The following HDAC9 variants were observed in gnomAD, a reference collection of about 807,000 sequenced individuals.
HDAC9 encodes the protein MEF-2 interacting transcription repressor (MITR) protein.
A neutral mutation model predicts 139.4 loss-of-function variants in HDAC9; 41 were observed. The ratio of observed to expected loss-of-function variants is 0.29; its 90% CI spans 0.23 to 0.38. The LOEUF (loss-of-function observed/expected upper bound fraction) is 0.38, where lower values mean the gene tolerates loss of function less well. Among genes scored for constraint, HDAC9 ranks in the 10% least tolerant of loss-of-function variants. HDAC9 has a pLI of 1.00. For missense variants in HDAC9, 1,147 were observed against 1,297.0 expected (o/e 0.88, Z 1.78); for synonymous variants, 517 against 476.2 (o/e 1.09, Z -1.12).
intron 21 of HDAC9, among the ~76,000 whole-genome samples, chr7:18,858,907 C>T (rs938646024): frequency 5.9e-5 from 9 of 152,134 alleles, no homozygotes; most frequent in Non-Finnish European, 1.2e-4. Flanking sequence ...GAAGTGATTG[C>T]TTCAATACAC....
chr7:18,971,336 TTC>T (rs1048297914), intron 24 of HDAC9, among the ~76,000 whole-genome samples: 3 of 152,210 alleles, frequency 2.0e-5, no homozygotes, highest in Non-Finnish European at 4.4e-5. Flanking sequence ...TGGAAAACTC[TTC>T]TCTTTTGCCA....
intron 25 of HDAC9, among the ~76,000 whole-genome samples, chr7:18,987,749 G>C (rs10263618): frequency 0.37 from 55,508 of 151,708 alleles, 11,438 homozygotes; most frequent in Non-Finnish European, 0.47. Context: ...TTCAGCTCCT[G>C]TTATTGGTCT....
chr7:18,380,780 T>C (rs1785363411), intron 1 of HDAC9, among the ~76,000 whole-genome samples: 1 of 152,212 alleles, frequency 6.6e-6, no homozygotes, highest in Non-Finnish European at 1.5e-5. Flanking sequence ...CAAAGCTGCT[T>C]TCTCATCTAG....
chr7:18,649,512 T>C (rs1415887656), intron 11 of HDAC9, among the ~76,000 whole-genome samples: 1 of 152,164 alleles, frequency 6.6e-6, no homozygotes, highest in Non-Finnish European at 1.5e-5. Context: ...CTACAAGTTA[T>C]GTTACAGAGG....
intron 22 of HDAC9, among the ~76,000 whole-genome samples, chr7:18,888,371 G>C (rs1800363547): frequency 6.6e-6 from 1 of 152,192 alleles, no homozygotes; most frequent in Non-Finnish European, 1.5e-5. Flanking sequence ...CTTGCAGTGA[G>C]CCGAGAGCGT....
At chr7:18,663,723 A>G (rs1793936597) in intron 11 of HDAC9, among the ~76,000 whole-genome samples, 1 of 151,980 alleles carries the variant, frequency 6.6e-6, no homozygotes, top group Non-Finnish European at 1.5e-5. Context: ...TGAGAGGGAG[A>G]GTTTCTACAG....
intron 25 of HDAC9, among the ~76,000 whole-genome samples, chr7:18,984,944 T>G (rs1785213336): frequency 6.6e-6 from 1 of 152,176 alleles, no homozygotes; most frequent in Non-Finnish European, 1.5e-5. Context: ...TGTTGGGCTT[T>G]TATTTCTGCA....
In HDAC9 at chr7:18,195,124, A is replaced by T. The variant is rs140997979; in HGVS notation, c.25+32775A>T. 9.9e-5 allele frequency among the ~76,000 whole-genome samples: 15 copies of T among 152,274 alleles called. 1 individual carries two copies. The East Asian group carries it at 2.9e-3, about 29-fold the overall frequency. On this transcript the variant is annotated intron_variant, in intron 2 of 12. Transcript: ENST00000417496. ...AACTGAAAACTTATTCTCTATCTGA[A>T]ACAACAATTCTAAATGGATTGCTCA... is the stretch of plus-strand genomic sequence containing the variant.
chr7:18,912,114 A>G (rs1280533832), intron 22 of HDAC9, among the ~76,000 whole-genome samples: 1 of 151,946 alleles, frequency 6.6e-6, no homozygotes, highest in African/African-American at 2.4e-5. Flanking sequence ...TCATATTGGG[A>G]TATCTCTCTC....
At chr7:18,465,642 G>T (rs1339690837) in intron 1 of HDAC9, among the ~76,000 whole-genome samples, 3 of 152,142 alleles carry the variant, frequency 2.0e-5, no homozygotes, top group Admixed American at 6.6e-5. Flanking sequence ...CATACATTCA[G>T]ATCTGAGTAT....
intron 13 of HDAC9, among the ~76,000 whole-genome samples, chr7:18,745,531 C>CTTTTTT (rs565092002): frequency 4.4e-5 from 4 of 90,486 alleles, no homozygotes; most frequent in African/African-American, 1.4e-4. Flanking sequence ...ACTCTCTACT[C>CTTTTTT]TTTTTTTTTT....
chr7:18,287,157 T>C (rs1015684743), upstream of HDAC9, among the ~76,000 whole-genome samples: 11 of 152,332 alleles, frequency 7.2e-5, no homozygotes, highest in African/African-American at 2.4e-4. Flanking sequence ...GAGCTTTTTA[T>C]AACTACCATC....
At position 18,129,503 on chromosome 7, in the gene HDAC9, TTAAC is replaced by T. The variant is rs565427250; in HGVS notation, c.-96-32722_-96-32719del. Among the ~76,000 whole-genome samples, 104 of 152,294 alleles carry T rather than the reference TTAAC, an allele frequency of 6.8e-4. No homozygotes were observed. The South Asian group carries it at 8.5e-3, about 12-fold the overall frequency. Reference sequence around the variant, plus strand: ...TGTCTGAAGGCATGTACACATAAATTTAACTAATTTTTATTTTACTTATGATTCT... The same window carrying T: ...TGTCTGAAGGCATGTACACATAAATTTAATTTTTATTTTACTTATGATTCT... On this transcript the variant is annotated intron_variant, in intron 1 of 12. Transcript: ENST00000417496.
intron 1 of HDAC9, among the ~76,000 whole-genome samples, chr7:18,486,873 A>T (rs1796012550): frequency 6.6e-6 from 1 of 152,086 alleles, no homozygotes; most frequent in African/African-American, 2.4e-5. Flanking sequence ...TTATTTGTGA[A>T]AATAAGTATG....
chr7:18,608,340 CATA>C (rs1232546390), intron 6 of HDAC9, among the ~76,000 whole-genome samples: 1 of 152,080 alleles, frequency 6.6e-6, no homozygotes, highest in African/African-American at 2.4e-5. Context: ...AAAAGCAGCA[CATA>C]ATAACAGTTT....
intron 6 of HDAC9, among the ~76,000 whole-genome samples, chr7:18,607,245 C>A (rs915257431): frequency 9.2e-5 from 14 of 152,124 alleles, no homozygotes; most frequent in African/African-American, 3.4e-4. Context: ...AATGAGTCAG[C>A]CTTGTAAGAA....
intron 2 of HDAC9, among the ~76,000 whole-genome samples, chr7:18,209,107 A>G (rs1023492299): frequency 6.6e-6 from 1 of 152,184 alleles, no homozygotes; most frequent in Non-Finnish European, 1.5e-5. Context: ...TGTAATCTCC[A>G]TAAACCACTG....
chr7:18,964,752 C>G (rs1408669144), intron 24 of HDAC9, among the ~76,000 whole-genome samples: 1 of 152,142 alleles, frequency 6.6e-6, no homozygotes, highest in Non-Finnish European at 1.5e-5. Context: ...AGACATAAAA[C>G]CATCAGATCT....
chr7:18,141,651 G>A (rs554867713), intron 1 of HDAC9, among the ~76,000 whole-genome samples: 2 of 152,144 alleles, frequency 1.3e-5, no homozygotes, highest in Admixed American at 1.3e-4. Context: ...TGTCCGTGGG[G>A]CTTTCAGAAT....
Sources: allele counts gnomAD v4.1 joint callset (sites outside exome capture counted in the v4.1 genomes callset), GRCh38; gene constraint gnomAD v4.1.1; transcripts MANE v1.5; gene names NCBI Gene and HGNC (gene_info 2026-07-23, HGNC 2026-07-21).